The following ELP4 variants were observed in gnomAD, a reference collection of about 807,000 sequenced individuals.
ELP4 encodes elongator acetyltransferase complex subunit 4, also known as elongator complex protein 4.
Under a neutral mutation model 48.9 loss-of-function variants are expected in ELP4, and 51 were observed. That is an observed-to-expected ratio of 1.04 (90% confidence interval 0.83 to 1.32). ELP4 has a LOEUF of 1.32. Among genes scored for constraint, ELP4 ranks in the 40% most tolerant of loss-of-function variants. ELP4 has a pLI of 0.00. For synonymous variants in ELP4, 210 were observed against 189.2 expected, an observed-to-expected ratio of 1.11 and a Z score of -0.90; for missense variants, 519 against 514.6, an observed-to-expected ratio of 1.01 and a Z score of -0.08.
chr11:31,606,981 G>C (rs926716008), intron 5 of ELP4, among the ~76,000 whole-genome samples: 5 of 152,180 alleles, frequency 3.3e-5, no homozygotes, highest in African/African-American at 1.2e-4. Flanking sequence ...ATTAGGTTTA[G>C]ATTAGGTTGT....
intron 9 of ELP4, among the ~76,000 whole-genome samples, chr11:31,699,050 G>T (rs1276361013): frequency 6.6e-6 from 1 of 152,112 alleles, no homozygotes; most frequent in Non-Finnish European, 1.5e-5. Flanking sequence ...AGATGTATCT[G>T]TATGTGAGTT....
intron 6 of ELP4, among the ~76,000 whole-genome samples, chr11:31,630,441 G>A (rs1450587656): frequency 6.6e-6 from 1 of 151,230 alleles, no homozygotes; most frequent in Non-Finnish European, 1.5e-5. Context: ...CAATTCTCCT[G>A]CCTCAGCCTC....
At chr11:31,606,483 A>G (rs1017823860) in intron 5 of ELP4, among the ~76,000 whole-genome samples, 1 of 152,192 alleles carries the variant, frequency 6.6e-6, no homozygotes, top group Non-Finnish European at 1.5e-5. Flanking sequence ...ATATTTTTAC[A>G]ATAAGAAAAA....
In ELP4 at chr11:31,598,437, A is replaced by G. The variant is rs766409754; in HGVS notation, c.513+3536A>G. Among the ~76,000 whole-genome samples, 11 of 146,218 alleles carry G rather than the reference A, an allele frequency of 7.5e-5. No homozygotes were observed. In the East Asian group the frequency reaches 8.1e-4, roughly 11 times the overall value. On this transcript the variant is annotated intron_variant, in intron 4 of 9. Coordinates refer to ENST00000640961, the MANE Select transcript of ELP4 (RefSeq NM_019040.5). ...GTACCTGCCATTGGCTTTGTTACCT[A>G]TTAATTAAGGTTGCATATTAACAAA...
intron 9 of ELP4, among the ~76,000 whole-genome samples, chr11:31,713,127 G>T (rs1946776685): frequency 6.6e-6 from 1 of 152,108 alleles, no homozygotes; most frequent in Non-Finnish European, 1.5e-5. Context: ...TACTTCTGCT[G>T]AATTTTCCTC....
chr11:31,522,496 T>C (rs1292573446), intron 2 of ELP4, among the ~76,000 whole-genome samples: 1 of 152,224 alleles, frequency 6.6e-6, no homozygotes, highest in African/African-American at 2.4e-5. Context: ...TGTTAACAAC[T>C]GCATAGGATT....
At chr11:31,600,977 C>G (rs1957769886) in intron 4 of ELP4, among the ~76,000 whole-genome samples, 1 of 152,076 alleles carries the variant, frequency 6.6e-6, no homozygotes, top group Non-Finnish European at 1.5e-5. Flanking sequence ...ATTTTACTCA[C>G]TTCCACAGAC....
chr11:31,772,679 G>A (rs936445458), intron 9 of ELP4, among the ~76,000 whole-genome samples: 2 of 152,158 alleles, frequency 1.3e-5, no homozygotes, highest in Non-Finnish European at 2.9e-5. Context: ...TTTTCCCATT[G>A]TTTCAGACAT....
chr11:31,545,742 G>A (rs888074688), intron 3 of ELP4, among the ~76,000 whole-genome samples: 5 of 151,972 alleles, frequency 3.3e-5, no homozygotes, highest in Admixed American at 1.3e-4. Flanking sequence ...GAGAAAGGTC[G>A]GGTTACCCAC....
intron 7 of ELP4, among the ~76,000 whole-genome samples, chr11:31,640,283 T>C (rs999954892): frequency 6.6e-6 from 1 of 151,996 alleles, no homozygotes; most frequent in Non-Finnish European, 1.5e-5. Context: ...TTTTTTTCTT[T>C]GGCATTGTAA....
At chr11:31,520,748 C>T (rs1202205302) in intron 2 of ELP4, among the ~76,000 whole-genome samples, 1 of 151,992 alleles carries the variant, frequency 6.6e-6, no homozygotes, top group Non-Finnish European at 1.5e-5. Context: ...TCACGTGACA[C>T]CCTTAAAATA....
At chr11:31,701,074 G>A (rs1411457694) in intron 9 of ELP4, among the ~76,000 whole-genome samples, 2 of 151,952 alleles carry the variant, frequency 1.3e-5, no homozygotes, top group African/African-American at 4.8e-5. Flanking sequence ...AGCCATAGTG[G>A]CTAATGTGTT....
intron 7 of ELP4, among the ~76,000 whole-genome samples, chr11:31,644,268 A>G (rs933433607): frequency 2.0e-5 from 3 of 151,900 alleles, no homozygotes; most frequent in African/African-American, 7.2e-5. Context: ...CAGATTGGTG[A>G]ATTCTGAATG....
At chr11:31,698,812 G>A (rs1334505988) in intron 9 of ELP4, among the ~76,000 whole-genome samples, 1 of 152,088 alleles carries the variant, frequency 6.6e-6, no homozygotes, top group Non-Finnish European at 1.5e-5. Flanking sequence ...ATGAGGAGGA[G>A]GTGATTGCTG....
chr11:31,780,884 T>C (rs535643428), intron 9 of ELP4: 1 of 152,380 alleles, frequency 6.6e-6, no homozygotes, highest in East Asian at 1.9e-4. Flanking sequence ...AAAGATATAT[T>C]GGTTCTCCTG....
chr11:31,725,490 T>G (rs1185115858), intron 9 of ELP4, among the ~76,000 whole-genome samples: 1 of 152,194 alleles, frequency 6.6e-6, no homozygotes, highest in Non-Finnish European at 1.5e-5. Flanking sequence ...CTCCCTGCCT[T>G]GCTTGACAGG....
chr11:31,742,894 A>C (rs1947488982), intron 9 of ELP4, among the ~76,000 whole-genome samples: 1 of 152,210 alleles, frequency 6.6e-6, no homozygotes. Context: ...AAATTCACAC[A>C]TAACAATATT....
intron 3 of ELP4, among the ~76,000 whole-genome samples, chr11:31,559,490 T>C (rs1272379468): frequency 1.3e-5 from 2 of 152,220 alleles, no homozygotes; most frequent in Non-Finnish European, 2.9e-5. Context: ...GAGGTGAAGC[T>C]TCTTACCTTT....
At chr11:31,703,322 T>G (rs1476553168) in intron 9 of ELP4, among the ~76,000 whole-genome samples, 1 of 152,198 alleles carries the variant, frequency 6.6e-6, no homozygotes, top group African/African-American at 2.4e-5. Flanking sequence ...CCCCAGATAT[T>G]CTAAAACAGT....
Sources: gnomAD v4.1 joint callset for allele counts (sites outside exome capture counted in the v4.1 genomes callset) on GRCh38, gnomAD v4.1.1 for gene constraint, MANE v1.5 for transcripts, NCBI Gene and HGNC (gene_info 2026-07-23, HGNC 2026-07-21) for gene names.